RRM2B: variants seen among roughly 807,000 people sequenced by gnomAD.
RRM2B encodes the protein ribonucleotide reductase regulatory TP53 inducible subunit M2B.
Under a neutral mutation model 45.9 loss-of-function variants are expected in RRM2B, and 20 were observed. The ratio of observed to expected loss-of-function variants is 0.44; its 90% CI spans 0.31 to 0.63. The LOEUF is 0.63. Among genes scored for constraint, RRM2B ranks in the 30% least tolerant of loss-of-function variants. The probability of loss-of-function intolerance (pLI) is 0.09; values close to 1 mark genes in which losing one functional copy is unlikely to be tolerated. For missense variants in RRM2B, 320 were observed against 414.7 expected, an observed-to-expected ratio of 0.77 and a Z score of 1.98; for synonymous variants, 124 against 132.3, an observed-to-expected ratio of 0.94 and a Z score of 0.43.
intron 5 of RRM2B, 49 bp from the exon 6 acceptor site, chr8:102,218,996 T>A (rs750186733): frequency 2.6e-6 from 4 of 1,548,826 alleles, no homozygotes; most frequent in Non-Finnish European, 3.6e-6. Context: ...TGCAAACATT[T>A]GCATATATAT....
At chr8:102,238,452 A>G in intron 1 of RRM2B, 1 of 1,016,038 alleles carries the variant, frequency 9.8e-7, no homozygotes, top group Non-Finnish European at 1.3e-6. Context: ...TCTCCAGCAG[A>G]GCCGCCACAG....
chr8:102,218,985 C>G (rs373982294), intron 5 of RRM2B, 38 bp from the exon 6 acceptor site: 4 of 1,595,688 alleles, frequency 2.5e-6, no homozygotes, highest in Non-Finnish European at 3.4e-6. Context: ...TTGAAATATA[C>G]TGCAAACATT....
chr8:102,225,878 G>T (rs978846086), intron 3 of RRM2B, 40 bp downstream of exon 3: 2 of 1,066,890 alleles, frequency 1.9e-6, no homozygotes, highest in African/African-American at 1.5e-5. Flanking sequence ...TCATTTAACT[G>T]CTAAAGGAGA....
Position 102,205,558 on chromosome 8 carries a change from T to A in RRM2B, c.*2575A>T, listed in dbSNP as rs893772818. ...CTTCTCAAGTCCTTCCTGGCCATAT[T>A]TCTATGTGATACAATGAAACATTTT... is the stretch of plus-strand genomic sequence containing the variant. On this transcript the variant is annotated 3_prime_UTR_variant, in exon 9 of 9. Transcript: ENST00000251810. 1 of 152,184 alleles carries A rather than the reference T, an allele frequency of 6.6e-6. No homozygotes were observed. Among genetic ancestry groups the A allele is most frequent in the Non-Finnish European group, 1.5e-5 (1 of 68,004 alleles). 9.4% of individuals were successfully genotyped at this position (152,184 alleles called of 1,614,324 possible). A position where few individuals can be genotyped will look rare whatever the true frequency, so the allele number is the denominator to read the frequency against.
At chr8:102,233,927 C>G (rs1178861150) in intron 1 of RRM2B, among the ~76,000 whole-genome samples, 1 of 152,124 alleles carries the variant, frequency 6.6e-6, no homozygotes, top group Non-Finnish European at 1.5e-5. Flanking sequence ...CTCAAGCAAT[C>G]CTCCTGTCTC....
intron 8 of RRM2B, among the ~76,000 whole-genome samples, chr8:102,209,683 C>T (rs1354954148): frequency 3.9e-5 from 6 of 152,072 alleles, no homozygotes; most frequent in South Asian, 2.1e-4. Context: ...TGTAAATGAA[C>T]GTTCATAGTA....
intron 1 of RRM2B, 26 bp downstream of exon 1, chr8:102,238,801 G>A (rs775452422): frequency 6.2e-7 from 1 of 1,613,788 alleles, no homozygotes; most frequent in South Asian, 1.1e-5. Flanking sequence ...CTGCGGTGAG[G>A]GGGAAGACGC....
chr8:102,216,283 T>C (rs1415649655), intron 6 of RRM2B, among the ~76,000 whole-genome samples: 1 of 152,126 alleles, frequency 6.6e-6, no homozygotes, highest in Non-Finnish European at 1.5e-5. Context: ...ATTATATTTA[T>C]GCTAAATCCT....
At chr8:102,231,938 T>C (rs1811036884) in intron 2 of RRM2B, among the ~76,000 whole-genome samples, 1 of 151,792 alleles carries the variant, frequency 6.6e-6, no homozygotes, top group Non-Finnish European at 1.5e-5. Context: ...CTGGCAGAAT[T>C]AGATGCCATT....
intron 5 of RRM2B, among the ~76,000 whole-genome samples, chr8:102,221,872 T>G (rs932149101): frequency 6.6e-6 from 1 of 152,152 alleles, no homozygotes; most frequent in African/African-American, 2.4e-5. Flanking sequence ...ACTCTGCCTC[T>G]TCCCTTCTTT....
intron 8 of RRM2B, among the ~76,000 whole-genome samples, chr8:102,208,717 A>G (rs1356593999): frequency 6.6e-6 from 1 of 152,216 alleles, no homozygotes; most frequent in African/African-American, 2.4e-5. Flanking sequence ...CTTAGTTTAT[A>G]AGAGAACAGA....
intron 1 of RRM2B, among the ~76,000 whole-genome samples, chr8:102,232,907 A>T (rs926387175): frequency 6.6e-6 from 1 of 152,194 alleles, no homozygotes; most frequent in African/African-American, 2.4e-5. Flanking sequence ...ACTGCATATG[A>T]TCTCACTGTG....
intron 1 of RRM2B, among the ~76,000 whole-genome samples, chr8:102,233,740 A>G (rs1253623198): frequency 6.6e-6 from 1 of 152,116 alleles, no homozygotes; most frequent in Non-Finnish European, 1.5e-5. Flanking sequence ...AGTAAAATCC[A>G]TTTTCACCCT....
intron 5 of RRM2B, among the ~76,000 whole-genome samples, chr8:102,221,413 T>C (rs1810833531): frequency 6.6e-6 from 1 of 152,208 alleles, no homozygotes; most frequent in Non-Finnish European, 1.5e-5. Context: ...GAGCTACTAA[T>C]GGTGCAGGTA....
At chr8:102,233,442 T>G (rs1454563208) in intron 1 of RRM2B, among the ~76,000 whole-genome samples, 1 of 152,204 alleles carries the variant, frequency 6.6e-6, no homozygotes, top group African/African-American at 2.4e-5. Context: ...CAATTTTTAT[T>G]TGTTGTGATG....
chr8:102,225,174 G>C (rs983182448), intron 3 of RRM2B, among the ~76,000 whole-genome samples, 156 bp from the exon 4 acceptor site: 1 of 151,480 alleles, frequency 6.6e-6, no homozygotes, highest in Admixed American at 6.6e-5. Flanking sequence ...CAGTATCCTA[G>C]GCAGTACTGT....
chr8:102,235,165 T>C (rs1427203752), intron 1 of RRM2B, among the ~76,000 whole-genome samples: 1 of 152,150 alleles, frequency 6.6e-6, no homozygotes, highest in Non-Finnish European at 1.5e-5. Context: ...GAAGAGAAAT[T>C]AGAGGCAGAA....
At chr8:102,221,752 T>C (rs1005893691) in intron 5 of RRM2B, among the ~76,000 whole-genome samples, 1 of 152,224 alleles carries the variant, frequency 6.6e-6, no homozygotes, top group Non-Finnish European at 1.5e-5. Context: ...GTGTTCTCTA[T>C]TTCTAGGTTG....
intron 1 of RRM2B, among the ~76,000 whole-genome samples, chr8:102,237,180 C>A (rs887708149): frequency 6.6e-6 from 1 of 152,178 alleles, no homozygotes; most frequent in African/African-American, 2.4e-5. Flanking sequence ...CTAAACTTTA[C>A]CTTGACAATA....
Sources: gnomAD v4.1 joint callset for allele counts (sites outside exome capture counted in the v4.1 genomes callset) on GRCh38, gnomAD v4.1.1 for gene constraint, MANE v1.5 for transcripts, NCBI Gene and HGNC (gene_info 2026-07-23, HGNC 2026-07-21) for gene names.